Variants in CD36 observed in about 807,000 individuals in gnomAD.
The protein encoded by CD36 is CD36 molecule (CD36 blood group).
In CD36, 119 loss-of-function variants were observed where a neutral mutation model predicts 55.2. That is an observed-to-expected ratio of 2.15 (90% CI 1.86 to 2.51). The LOEUF is 2.51. Among genes scored for constraint, CD36 ranks in the 30% most tolerant of loss-of-function variants. The pLI is 0.00. For missense variants in CD36, 819 were observed against 555.5 expected (o/e 1.47, Z -4.77); for synonymous variants, 186 against 193.6 (o/e 0.96, Z 0.33).
intron 5 of CD36, chr7:80,662,490 C>T: frequency 3.7e-6 from 1 of 269,232 alleles, no homozygotes; most frequent in Non-Finnish European, 7.9e-6. Context: ...TGCCGTTAGA[C>T]GTGGAACCTG....
chr7:80,639,411 ATAAAGT>A (rs1248747064), intron 1 of CD36, among the ~76,000 whole-genome samples: 1 of 152,158 alleles, frequency 6.6e-6, no homozygotes, highest in South Asian at 2.1e-4. Context: ...TAGAATAAAA[ATAAAGT>A]TAATTTTTTT....
chr7:80,636,096 CA>C (rs1476030772), upstream of CD36, among the ~76,000 whole-genome samples: 3 of 152,030 alleles, frequency 2.0e-5, no homozygotes, highest in African/African-American at 7.2e-5. Context: ...GGTGCAAAGA[CA>C]GGGCAAAAAC....
In CD36 at chr7:80,672,791, T is replaced by C. The variant is rs763840954; in HGVS notation, c.1147T>C (p.Phe383Leu). 5.0e-6 allele frequency: 8 copies of C among 1,610,164 alleles called. 1 individual carries two copies. The highest frequency in any genetic ancestry group is 6.8e-6 in the Non-Finnish European group (8 of 1,177,718). The change falls in exon 12 of 15, where the codon TTT becomes CTT. Residue 383 changes from phenylalanine (F) to leucine (L), a missense_variant. Phe to Leu is a conservative substitution (Grantham distance 22). Transcript: ENST00000447544. The part of the protein sequence containing the change: ...IEPITGFTLQ[F>L]AKRLQVNLLV... ...TTAGATAACTGGATTCACTTTACAA[T>C]TTGCAAAACGGCTGCAGGTCAACCT...
intron 1 of CD36, among the ~76,000 whole-genome samples, chr7:80,615,117 T>C (rs1584276098): frequency 6.6e-6 from 1 of 152,180 alleles, no homozygotes; most frequent in East Asian, 1.9e-4. Context: ...AAACTCTGCC[T>C]AGAATGAGAC....
upstream of CD36, among the ~76,000 whole-genome samples, chr7:80,634,387 A>G (rs1221869825): frequency 6.6e-6 from 1 of 152,102 alleles, no homozygotes; most frequent in African/African-American, 2.4e-5. Context: ...GTTAAAAAAA[A>G]TCGCTTAGTT....
At chr7:80,650,302 T>A (rs574637454) in intron 3 of CD36, among the ~76,000 whole-genome samples, 3 of 152,304 alleles carry the variant, frequency 2.0e-5, no homozygotes, top group African/African-American at 7.2e-5. Context: ...CACAACCATG[T>A]TGACCTTGTT....
rs138547546 is a variant in CD36, at chr7:80,620,751, C to G, written c.-184+18372C>G. Among the ~76,000 whole-genome samples the G allele has an allele frequency of 8.2e-4, 125 of 152,264 alleles. 1 individual carries two copies. Among genetic ancestry groups the G allele is most frequent in the African/African-American group, 2.8e-3 (118 of 41,560 alleles). ...GAGGGCTAGAGGGAGATTCTGTTTT[C>G]TGAGGCCTGATATACATGATAACAA... On this transcript the variant is annotated intron_variant, in intron 1 of 13. Coordinates refer to the CD36 transcript ENST00000309881.
chr7:80,675,153 G>A (rs114175611), intron 14 of CD36, among the ~76,000 whole-genome samples: 1,688 of 152,122 alleles, frequency 0.011, 20 homozygotes, highest in African/African-American at 0.038. Context: ...TCACCAAAAA[G>A]ACAATAATTC....
At chr7:80,602,486 T>C (rs144080688) in intron 1 of CD36, 3 of 152,298 alleles carry the variant, frequency 2.0e-5, no homozygotes, top group African/African-American at 7.2e-5. Flanking sequence ...AGAAAGGTAA[T>C]TATTATCTGA....
intron 1 of CD36, among the ~76,000 whole-genome samples, chr7:80,623,505 T>A (rs201228786): frequency 2.6e-5 from 3 of 114,838 alleles, no homozygotes; most frequent in Admixed American, 1.8e-4. Context: ...ACTGTAATTC[T>A]TATTTTTAGG....
Position 80,661,525 on chromosome 7 carries a change from T to C in CD36, c.429+315T>C, listed in dbSNP as rs559354825. Among the ~76,000 whole-genome samples the C allele has an allele frequency of 8.5e-4, 130 of 152,320 alleles. 1 individual carries two copies. Among genetic ancestry groups the C allele is most frequent in the Non-Finnish European group, 1.5e-3 (105 of 68,018 alleles). ...ACATTTGTTTCAGTATGTCTTTAAA[T>C]GAAAGACTTTTAAGTATGTAAGCAA... On this transcript the variant is annotated intron_variant, in intron 5 of 14. Transcript: ENST00000447544.
chr7:80,603,648 G>T (rs1415211720), intron 1 of CD36, among the ~76,000 whole-genome samples: 1 of 151,694 alleles, frequency 6.6e-6, no homozygotes, highest in East Asian at 1.9e-4. Flanking sequence ...CTTTTGTAAA[G>T]GATAATGATA....
In CD36 at chr7:80,672,754, G is replaced by C. The variant is rs764828425; in HGVS notation, c.1126-16G>C. Reference sequence around the variant, plus strand: ...GTTTTTAAAAGTTGGTAATTATTTAGTTGTTCTCTTTTTAGATAACTGGAT... The same window carrying C: ...GTTTTTAAAAGTTGGTAATTATTTACTTGTTCTCTTTTTAGATAACTGGAT... On this transcript the variant is annotated splice_polypyrimidine_tract_variant and intron_variant, in intron 11 of 14. Transcript: ENST00000447544. 6.4e-7 allele frequency: 1 copy of C among 1,567,850 alleles called. No individual in the cohort carries two copies.
At chr7:80,634,431 T>TCTTGTATC (rs1794265682), upstream of CD36, among the ~76,000 whole-genome samples, 1 of 152,142 alleles carries the variant, frequency 6.6e-6, no homozygotes, top group Non-Finnish European at 1.5e-5. Flanking sequence ...TATAAGATAT[T>TCTTGTATC]CTTGTATCTG....
At chr7:80,674,915 C>CATGATCCCTAATACAATT (rs1798098260) in intron 14 of CD36, among the ~76,000 whole-genome samples, 2 of 152,082 alleles carry the variant, frequency 1.3e-5, no homozygotes, top group Admixed American at 1.3e-4. Context: ...CTTTATCTCA[C>CATGATCCCTAATACAATT]ATGATCCCTA....
intron 1 of CD36, among the ~76,000 whole-genome samples, chr7:80,643,954 T>C (rs1176025179): frequency 6.6e-6 from 1 of 152,188 alleles, no homozygotes; most frequent in African/African-American, 2.4e-5. Flanking sequence ...TTCAATAAAA[T>C]ATTATGTACC....
chr7:80,622,133 G>C (rs1793505573), intron 1 of CD36, among the ~76,000 whole-genome samples: 1 of 152,210 alleles, frequency 6.6e-6, no homozygotes, highest in East Asian at 1.9e-4. Flanking sequence ...CCCACCTTCA[G>C]GTGGGGGGAC....
chr7:80,604,831 A>G (rs1433606229), intron 1 of CD36, among the ~76,000 whole-genome samples: 5 of 152,056 alleles, frequency 3.3e-5, no homozygotes, highest in African/African-American at 1.2e-4. Flanking sequence ...TCTCATTTAA[A>G]TTTTTAGAAA....
At chr7:80,672,970 T>A in intron 12 of CD36, 127 bp downstream of exon 12, 1 of 712,246 alleles carries the variant, frequency 1.4e-6, no homozygotes. Context: ...TTTAGCTTAA[T>A]GTCACCAATC....
Sources: allele counts gnomAD v4.1 joint callset (sites outside exome capture counted in the v4.1 genomes callset), GRCh38; gene constraint gnomAD v4.1.1; transcripts MANE v1.5; gene names NCBI Gene and HGNC (gene_info 2026-07-23, HGNC 2026-07-21).